The following AK5 variants were observed in gnomAD, a reference collection of about 807,000 sequenced individuals.
The protein encoded by AK5 is adenylate kinase isoenzyme 5.
In AK5, 27 loss-of-function variants were observed where a neutral mutation model predicts 69.5. The ratio of observed to expected loss-of-function variants is 0.39; its 90% CI spans 0.29 to 0.54. The LOEUF is 0.54. Among genes scored for constraint, AK5 ranks in the 20% least tolerant of loss-of-function variants. The probability of loss-of-function intolerance (pLI) is 0.71; values close to 1 mark genes in which losing one functional copy is unlikely to be tolerated. For synonymous variants in AK5, 260 were observed against 244.4 expected, an observed-to-expected ratio of 1.06 and a Z score of -0.60; for missense variants, 531 against 700.4, an observed-to-expected ratio of 0.76 and a Z score of 2.73.
rs1491293326 is a variant in AK5 at position 77,475,544 on chromosome 1, ATT to A, written c.1060-7772_1060-7771del. ...ATATATTATATATATACAAATATAT[ATT>A]ATATATATATATGTATTACTCTCTC... On this transcript the variant is annotated intron_variant, in intron 8 of 13. Coordinates refer to ENST00000354567, the MANE Select transcript of AK5 (RefSeq NM_174858.3). Among the ~76,000 whole-genome samples, 157 of 104,422 alleles carry A rather than the reference ATT, an allele frequency of 1.5e-3. 3 individuals carry two copies. The highest frequency in any genetic ancestry group is 4.7e-3 in the African/African-American group (134 of 28,782). 68.5% of individuals were successfully genotyped at this position (104,422 alleles called of 152,430 possible). A position where few individuals can be genotyped will look rare whatever the true frequency, so the allele number is the denominator to read the frequency against.
At chr1:77,510,346 T>G (rs1657269824) in intron 10 of AK5, among the ~76,000 whole-genome samples, 1 of 151,832 alleles carries the variant, frequency 6.6e-6, no homozygotes, top group Non-Finnish European at 1.5e-5. Context: ...TGTTACAGAG[T>G]CAAAGGTATC....
intron 6 of AK5, among the ~76,000 whole-genome samples, chr1:77,364,782 T>G (rs956426239): frequency 5.9e-5 from 9 of 152,344 alleles, no homozygotes; most frequent in Non-Finnish European, 1.2e-4. Context: ...TTGATGAACA[T>G]AGGTTGATTC....
chr1:77,293,155 G>C (rs757557921), intron 2 of AK5, among the ~76,000 whole-genome samples: 11 of 152,000 alleles, frequency 7.2e-5, no homozygotes, highest in Non-Finnish European at 4.4e-5. Flanking sequence ...CCAATTGTAG[G>C]AATTGTTTGC....
intron 5 of AK5, among the ~76,000 whole-genome samples, chr1:77,304,734 T>C (rs1659543723): frequency 1.3e-5 from 2 of 152,240 alleles, no homozygotes; most frequent in African/African-American, 4.8e-5. Flanking sequence ...TATCCATTCA[T>C]CTGTGGATGA....
intron 8 of AK5, among the ~76,000 whole-genome samples, chr1:77,470,447 G>A (rs531590399): frequency 1.3e-5 from 2 of 152,314 alleles, no homozygotes; most frequent in African/African-American, 4.8e-5. Context: ...GGAGGTTGCA[G>A]TAAGCTGAGA....
intron 5 of AK5, among the ~76,000 whole-genome samples, chr1:77,303,493 C>T (rs954498362): frequency 6.6e-6 from 1 of 152,164 alleles, no homozygotes; most frequent in African/African-American, 2.4e-5. Context: ...TATATATTTG[C>T]AAATCTCTTT....
At chr1:77,529,395 G>A (rs1019280281) in intron 12 of AK5, among the ~76,000 whole-genome samples, 7 of 150,084 alleles carry the variant, frequency 4.7e-5, no homozygotes, top group Non-Finnish European at 1.0e-4. Flanking sequence ...GTGCAATGGC[G>A]TGATCTCAGC....
rs1659079400 is a variant in AK5, at chr1:77,297,507, G to T, written c.416-52G>T. 4.7e-6 allele frequency: 7 copies of T among 1,494,450 alleles called. No individual in the cohort carries two copies. The South Asian group carries it at 9.6e-5, about 20-fold the overall frequency. The allele number at this position is 1,494,450 out of a possible 1,614,324, so 92.6% of individuals were successfully genotyped here. ...AGATGAAGTAGTAGTTGTATAAAAG[G>T]GAGGTCCTTATTGTATCAGAAGATC... On this transcript the variant is annotated intron_variant, in intron 3 of 13. Transcript: ENST00000354567.
chr1:77,346,434 A>G (rs1357471735), intron 6 of AK5, among the ~76,000 whole-genome samples: 4 of 152,228 alleles, frequency 2.6e-5, no homozygotes, highest in Non-Finnish European at 4.4e-5. Flanking sequence ...GTTAATTATC[A>G]CCAACTCCAC....
intron 6 of AK5, among the ~76,000 whole-genome samples, chr1:77,391,912 A>G (rs557573411): frequency 6.6e-6 from 1 of 152,214 alleles, no homozygotes; most frequent in African/African-American, 2.4e-5. Flanking sequence ...TGAGTCATTT[A>G]TAGCTTCATA....
At chr1:77,321,507 T>C (rs1660532173) in intron 5 of AK5, among the ~76,000 whole-genome samples, 1 of 151,644 alleles carries the variant, frequency 6.6e-6, no homozygotes, top group African/African-American at 2.4e-5. Context: ...TTTTAAAAGC[T>C]TGATGTTCTT....
intron 6 of AK5, among the ~76,000 whole-genome samples, chr1:77,366,139 T>G (rs1193149574): frequency 6.6e-6 from 1 of 152,158 alleles, no homozygotes; most frequent in Non-Finnish European, 1.5e-5. Context: ...TATCAGAGAC[T>G]TTATGCACAA....
intron 8 of AK5, among the ~76,000 whole-genome samples, chr1:77,440,605 A>G (rs1014454382): frequency 2.0e-5 from 3 of 152,132 alleles, no homozygotes; most frequent in Admixed American, 1.3e-4. Flanking sequence ...GAAACTTCCA[A>G]CTTCCAGAAT....
At chr1:77,503,262 T>C (rs1162937328) in intron 10 of AK5, among the ~76,000 whole-genome samples, 1 of 152,150 alleles carries the variant, frequency 6.6e-6, no homozygotes, top group East Asian at 1.9e-4. Context: ...GTGCTTTTAG[T>C]AAAAGATTAT....
intron 5 of AK5, among the ~76,000 whole-genome samples, chr1:77,320,325 G>A: frequency 6.6e-6 from 1 of 152,104 alleles, no homozygotes; most frequent in East Asian, 1.9e-4. Flanking sequence ...AAACCGTATT[G>A]GAAGGATTTC....
chr1:77,282,730 C>T (rs1658131186), intron 1 of AK5: 30 of 1,047,740 alleles, frequency 2.9e-5, no homozygotes, highest in Non-Finnish European at 3.3e-5. Context: ...GGTGGCTGCA[C>T]TGTCGCCCAG....
intron 8 of AK5, among the ~76,000 whole-genome samples, chr1:77,445,456 GC>G (rs1448952309): frequency 1.3e-5 from 2 of 152,166 alleles, no homozygotes; most frequent in Admixed American, 1.3e-4. Flanking sequence ...CAAGTCCTTT[GC>G]CCATTTTGTA....
chr1:77,298,760 C>G (rs1659163895), intron 5 of AK5, among the ~76,000 whole-genome samples: 1 of 152,014 alleles, frequency 6.6e-6, no homozygotes, highest in Admixed American at 6.6e-5. Flanking sequence ...CACCTGAGCC[C>G]AGGACATCAA....
chr1:77,445,093 C>T (rs919520761), intron 8 of AK5, among the ~76,000 whole-genome samples: 1 of 152,078 alleles, frequency 6.6e-6, no homozygotes, highest in East Asian at 1.9e-4. Flanking sequence ...CTGCAATGAG[C>T]ATGGCAGTAC....
Sources: allele counts gnomAD v4.1 joint callset (sites outside exome capture counted in the v4.1 genomes callset), GRCh38; gene constraint gnomAD v4.1.1; transcripts MANE v1.5; gene names NCBI Gene and HGNC (gene_info 2026-07-23, HGNC 2026-07-21).